ITFG1: variants seen among roughly 807,000 people sequenced by gnomAD.
ITFG1 encodes the protein T-cell immunomodulatory protein.
A neutral mutation model predicts 81.8 loss-of-function variants in ITFG1; 34 were observed. That is an observed-to-expected ratio of 0.42 (90% CI 0.32 to 0.55). The LOEUF (loss-of-function observed/expected upper bound fraction) is 0.55, where lower values mean the gene tolerates loss of function less well. Ranked by LOEUF, ITFG1 falls within the 20% of genes least tolerant of loss-of-function variation. The probability of loss-of-function intolerance (pLI) is 0.17; values close to 1 mark genes in which losing one functional copy is unlikely to be tolerated. For synonymous variants in ITFG1, 285 were observed against 270.6 expected, an observed-to-expected ratio of 1.05 and a Z score of -0.52; for missense variants, 672 against 755.4, an observed-to-expected ratio of 0.89 and a Z score of 1.29.
Position 47,461,001 on chromosome 16 carries a change from C to G in ITFG1, c.45G>C (p.Ser15=). The change falls in exon 1 of 18, where the codon TCG becomes TCC. Residue 15 remains serine (S), a synonymous_variant. Coordinates refer to ENST00000320640, the MANE Select transcript of ITFG1 (RefSeq NM_030790.5). The stretch of plus-strand genomic sequence containing the variant: ...GTAGTGCAAGCCCTGCGAGGAGCGG[C>G]GAGAAGAGGGCCCAGGAGCTCGGGA... ...GRLPSSWALF[S]PLLAGLALLG... is the part of the protein sequence containing the mutation. 6 of 1,565,782 alleles carry G rather than the reference C, an allele frequency of 3.8e-6. No homozygotes were observed. The highest frequency in any genetic ancestry group is 5.2e-6 in the Non-Finnish European group (6 of 1,156,300).
At chr16:47,344,878 T>C (rs1967830493) in intron 8 of ITFG1, among the ~76,000 whole-genome samples, 1 of 152,258 alleles carries the variant, frequency 6.6e-6, no homozygotes, top group Admixed American at 6.5e-5. Context: ...GTGCTATCCA[T>C]GCTGTTGCAA....
intron 7 of ITFG1, among the ~76,000 whole-genome samples, chr16:47,374,070 G>A (rs1968293570): frequency 6.6e-6 from 1 of 152,010 alleles, no homozygotes; most frequent in Admixed American, 6.6e-5. Context: ...CCACTACCCT[G>A]CCCAAGTAAT....
chr16:47,293,942 GGT>G (rs1966947889), intron 10 of ITFG1, among the ~76,000 whole-genome samples: 1 of 151,880 alleles, frequency 6.6e-6, no homozygotes, highest in Admixed American at 6.6e-5. Context: ...TTAGCTGCCT[GGT>G]GGCCAGAAGA....
chr16:47,189,802 A>T (rs1044611279), intron 14 of ITFG1, among the ~76,000 whole-genome samples: 3 of 152,178 alleles, frequency 2.0e-5, no homozygotes, highest in African/African-American at 7.2e-5. Flanking sequence ...TGCTTTTCTA[A>T]CCTTAATTCA....
intron 5 of ITFG1, among the ~76,000 whole-genome samples, chr16:47,434,397 A>G (rs1490535244): frequency 6.6e-6 from 1 of 152,140 alleles, no homozygotes; most frequent in Non-Finnish European, 1.5e-5. Flanking sequence ...AAGAATGTGA[A>G]CAGATACTTC....
At chr16:47,293,708 GT>G (rs796597989) in intron 10 of ITFG1, among the ~76,000 whole-genome samples, 3 of 151,460 alleles carry the variant, frequency 2.0e-5, no homozygotes, top group East Asian at 3.9e-4. Flanking sequence ...ACTTGTATTT[GT>G]TTTTTTTGGT....
At chr16:47,439,481 G>A (rs1469800313) in intron 5 of ITFG1, among the ~76,000 whole-genome samples, 2 of 152,218 alleles carry the variant, frequency 1.3e-5, no homozygotes, top group African/African-American at 4.8e-5. Flanking sequence ...ACTAACAGCT[G>A]ATCTCTCGGC....
chr16:47,266,739 A>G (rs1176842250), intron 10 of ITFG1, among the ~76,000 whole-genome samples: 2 of 152,240 alleles, frequency 1.3e-5, no homozygotes, highest in Admixed American at 6.5e-5. Context: ...CTACACAGAA[A>G]CTTATATGGA....
intron 16 of ITFG1, 32 bp from the exon 17 acceptor site, chr16:47,159,022 C>A (rs767483229): frequency 1.4e-4 from 166 of 1,164,370 alleles, no homozygotes; most frequent in Admixed American, 1.0e-4. Context: ...ATTAAAATTA[C>A]AAATTTTATT....
chr16:47,338,967 A>T (rs112303195), intron 8 of ITFG1, among the ~76,000 whole-genome samples: 64 of 152,322 alleles, frequency 4.2e-4, no homozygotes, highest in African/African-American at 1.4e-3. Flanking sequence ...TATTCTTCCC[A>T]GCCTCTGGTA....
chr16:47,458,757 C>CTTG (rs1969483843), intron 2 of ITFG1, among the ~76,000 whole-genome samples: 1 of 152,018 alleles, frequency 6.6e-6, no homozygotes, highest in Admixed American at 6.6e-5. Context: ...CAAAACACAA[C>CTTG]ACATGGCTAA....
chr16:47,344,486 T>C (rs1967825192), intron 8 of ITFG1, among the ~76,000 whole-genome samples: 1 of 152,238 alleles, frequency 6.6e-6, no homozygotes, highest in Non-Finnish European at 1.5e-5. Flanking sequence ...TTTTATGATA[T>C]GTAAATTTTA....
At chr16:47,353,239 G>A (rs772228886) in intron 8 of ITFG1, among the ~76,000 whole-genome samples, 7 of 151,756 alleles carry the variant, frequency 4.6e-5, no homozygotes, top group African/African-American at 1.2e-4. Context: ...GAATCACCAC[G>A]ATCAAGTGGG....
At chr16:47,402,038 G>A (rs1968667906) in intron 6 of ITFG1, among the ~76,000 whole-genome samples, 1 of 152,130 alleles carries the variant, frequency 6.6e-6, no homozygotes, top group South Asian at 2.1e-4. Context: ...CCAAGGGGCT[G>A]CAAACTCCAC....
intron 13 of ITFG1, among the ~76,000 whole-genome samples, chr16:47,235,450 A>G (rs557591402): frequency 1.7e-4 from 26 of 152,208 alleles, no homozygotes; most frequent in Non-Finnish European, 5.9e-5. Flanking sequence ...TAGGGTTTCA[A>G]AAGTGAAACC....
In ITFG1 at chr16:47,305,402, A is replaced by G. The variant is rs192386038; in HGVS notation, c.1070+5838T>C. 8.5e-5 allele frequency among the ~76,000 whole-genome samples: 13 copies of G among 152,290 alleles called. No individual in the cohort carries two copies. The East Asian group carries it at 2.5e-3, about 29-fold the overall frequency. On this transcript the variant is annotated intron_variant, in intron 10 of 17. Coordinates refer to ENST00000320640, the MANE Select transcript of ITFG1 (RefSeq NM_030790.5). ...ATTTTTCAAGAACACAGCACAAAAG[A>G]TACAAGTTAAAAAATGTGAGGGTAT...
chr16:47,229,602 CAAA>C (rs112579446), intron 13 of ITFG1, among the ~76,000 whole-genome samples: 4 of 99,232 alleles, frequency 4.0e-5, no homozygotes, highest in Admixed American at 1.1e-4. Context: ...TGCAGTCAGG[CAAA>C]AAAAAAAAAA....
intron 10 of ITFG1, among the ~76,000 whole-genome samples, chr16:47,287,130 T>C (rs1966872570): frequency 6.6e-6 from 1 of 152,222 alleles, no homozygotes; most frequent in Non-Finnish European, 1.5e-5. Context: ...TAAGAAATGA[T>C]GCTGCAACTA....
intron 8 of ITFG1, among the ~76,000 whole-genome samples, chr16:47,333,208 C>A (rs1399295634): frequency 2.6e-5 from 4 of 151,918 alleles, no homozygotes; most frequent in African/African-American, 7.3e-5. Flanking sequence ...TTAATTCTGA[C>A]AAAAACTATG....
Sources: allele counts gnomAD v4.1 joint callset (sites outside exome capture counted in the v4.1 genomes callset), GRCh38; gene constraint gnomAD v4.1.1; transcripts MANE v1.5; gene names NCBI Gene and HGNC (gene_info 2026-07-23, HGNC 2026-07-21).